Variants in MSS51 observed in about 807,000 individuals in gnomAD.
MSS51 encodes putative protein MSS51 homolog, mitochondrial.
MSS51 carries 32 observed loss-of-function variants against 40.2 expected under a neutral mutation model. The observed-to-expected ratio is 0.80, with a 90% CI of 0.60 to 1.07. MSS51 has a LOEUF of 1.07. Among genes scored for constraint, MSS51 ranks in the 50% least tolerant of loss-of-function variants. The probability of loss-of-function intolerance (pLI) is 0.00; values close to 1 mark genes in which losing one functional copy is unlikely to be tolerated. For missense variants in MSS51, 518 were observed against 568.9 expected, an observed-to-expected ratio of 0.91 and a Z score of 0.91; for synonymous variants, 178 against 214.2, an observed-to-expected ratio of 0.83 and a Z score of 1.48.
Position 73,428,077 on chromosome 10 carries a change from A to G in MSS51, c.208T>C (p.Tyr70His). Residue 70 changes from tyrosine to histidine, a missense_variant, in exon 2 of 7, where the codon TAT (tyrosine) becomes CAT (histidine). By Grantham distance (83) the Tyr-to-His change is moderately conservative. Transcript: ENST00000299432. ...LILQKLNMKS[Y>H]EEYKLVVDGG... Reference sequence around the variant, plus strand: ...CTGGTCACTCACTTATATTCTTCATAGCTTTTCATGTTCAGCTTTTGAAGG... The same window carrying G: ...CTGGTCACTCACTTATATTCTTCATGGCTTTTCATGTTCAGCTTTTGAAGG... 6.2e-7 allele frequency: 1 copy of G among 1,614,074 alleles called. No individual in the cohort carries two copies. The highest frequency in any genetic ancestry group is 8.5e-7 in the Non-Finnish European group (1 of 1,179,982).
intron 1 of MSS51, among the ~76,000 whole-genome samples, chr10:73,430,132 A>G (rs947267930): frequency 2.0e-5 from 3 of 152,250 alleles, no homozygotes; most frequent in African/African-American, 7.2e-5. Flanking sequence ...TAAAGTATAA[A>G]GACCTAAACT....
At chr10:73,428,702 G>C (rs2056007752) in intron 1 of MSS51, among the ~76,000 whole-genome samples, 1 of 151,630 alleles carries the variant, frequency 6.6e-6, no homozygotes, top group South Asian at 2.1e-4. Flanking sequence ...GGTCAGGCTG[G>C]TCTCAAACTC....
intron 1 of MSS51, among the ~76,000 whole-genome samples, chr10:73,430,336 G>T (rs374513820): frequency 6.6e-6 from 1 of 152,076 alleles, no homozygotes; most frequent in South Asian, 2.1e-4. Context: ...CCCCAAGAAT[G>T]GAAGAAAATA....
intron 1 of MSS51, 69 bp downstream of exon 1, chr10:73,433,444 T>C (rs1159229825): frequency 2.0e-5 from 3 of 152,116 alleles, no homozygotes; most frequent in African/African-American, 7.2e-5. Flanking sequence ...TAACACTGCC[T>C]GGGGTGATAA....
In MSS51 at chr10:73,426,314, G is replaced by C. The variant is rs2132721673; in HGVS notation, c.566C>G (p.Ser189Cys). The C allele has an allele frequency of 6.2e-7, 1 of 1,605,508 alleles. No homozygotes were observed. The highest frequency in any genetic ancestry group is 2.2e-5 in the East Asian group (1 of 44,888). The change falls in exon 5 of 7, where the codon TCC (serine) becomes TGC (cysteine). Residue 189 changes from serine to cysteine, a missense_variant. Physicochemically the swap from Ser to Cys is moderately radical, Grantham distance 112. Transcript: ENST00000299432. ...WPPEAVQDWD[S>C]WFSMKGLHLD... Reference sequence around the variant, plus strand: ...GTGTAACCCCTTCATAGAAAACCAGGAGTCCCAGTCCTGTACAGCTTCAGG... The same window carrying C: ...GTGTAACCCCTTCATAGAAAACCAGCAGTCCCAGTCCTGTACAGCTTCAGG...
chr10:73,427,882 G>T, intron 2 of MSS51, 114 bp from the exon 3 acceptor site: 2 of 1,307,312 alleles, frequency 1.5e-6, no homozygotes, highest in South Asian at 1.4e-5. Flanking sequence ...GTCTCCCACT[G>T]CCATCATTTT....
At position 73,428,229 on chromosome 10, in the gene MSS51, G is replaced by C; in HGVS notation, c.56C>G (p.Pro19Arg). ...RHKKPPSSVA[P>R]IIMAPTTIVT... ...AATTGTGGTTGGGGCCATGATGATG[G>C]GAGCCACTGATGAGGGAGGTTTCTT... Residue 19 changes from proline to arginine, a missense_variant, in exon 2 of 7, where the codon CCC becomes CGC. By Grantham distance (103) the Pro-to-Arg change is moderately radical (BLOSUM62 -2). Transcript: ENST00000299432. 6.2e-7 allele frequency: 1 copy of C among 1,614,128 alleles called. No individual in the cohort carries two copies. The highest frequency in any genetic ancestry group is 8.5e-7 in the Non-Finnish European group (1 of 1,180,028).
In MSS51 at chr10:73,424,724, T is replaced by A; in HGVS notation, c.1212A>T (p.Thr404=). 1 of 1,614,178 alleles carries A rather than the reference T, an allele frequency of 6.2e-7. No individual in the cohort carries two copies. Among genetic ancestry groups the A allele is most frequent in the South Asian group, 1.1e-5 (1 of 91,080 alleles). ...GATTAGACCCAAAGGCAGTGATGTG[T>A]GTATCCAGTTCCACCAGAATCTGCA... ...SSLQILVELD[T]HITAFGSNPF... The change falls in exon 7 of 7, where the codon ACA becomes ACT. Residue 404 remains threonine, a synonymous_variant. Transcript: ENST00000299432.
At position 73,426,212 on chromosome 10, in the gene MSS51, G is replaced by A. The variant is rs771303606; in HGVS notation, c.668C>T (p.Pro223Leu). 1.9e-6 allele frequency: 3 copies of A among 1,614,138 alleles called. No homozygotes were observed. The highest frequency in any genetic ancestry group is 1.1e-5 in the South Asian group (1 of 91,090). The change falls in exon 5 of 7, where the codon CCA (proline) becomes CTA (leucine). Residue 223 changes from proline (P) to leucine (L), a missense_variant. Physicochemically the swap from Pro to Leu is moderately conservative, Grantham distance 98. Transcript: ENST00000299432. ...AGATCCCTGCAGGACATCCGGGTCT[G>A]GCCTTGGCCGTCCTACACTGGCCCA... is the stretch of plus-strand genomic sequence containing the variant. ...TLWASVGRPR[P>L]DPDVLQGSLK...
rs886113378 is a variant in MSS51 at position 73,424,544 on chromosome 10, A to G, written c.*9T>C. ...CTCCCCGTTTTCCAGATGTCCAGTT[A>G]TGATCTATTTAAATCCCGCCGTCCA... On this transcript the variant is annotated 3_prime_UTR_variant, in exon 7 of 7. Transcript: ENST00000299432. 1.2e-6 allele frequency: 2 copies of G among 1,603,182 alleles called. No individual in the cohort carries two copies. Among genetic ancestry groups the G allele is most frequent in the African/African-American group, 2.7e-5 (2 of 74,570 alleles).
At chr10:73,433,161 CTA>C (rs1317545128) in intron 1 of MSS51, among the ~76,000 whole-genome samples, 5 of 152,098 alleles carry the variant, frequency 3.3e-5, no homozygotes, top group Non-Finnish European at 2.9e-5. Context: ...AAATATTAAT[CTA>C]TTCCTAGACC....
chr10:73,425,801 T>A lies in MSS51; in HGVS notation c.1069+10A>T, dbSNP rs1564541034. ...GCCACCCTCTATTCCCCTGAACCAA[T>A]GACTCTTACCTGGATGGAATGCCGC... On this transcript the variant is annotated intron_variant, in intron 5 of 6. Transcript: ENST00000299432. 6.2e-7 allele frequency: 1 copy of A among 1,603,360 alleles called. No homozygotes were observed. The highest frequency in any genetic ancestry group is 8.5e-7 in the Non-Finnish European group (1 of 1,173,744).
Position 73,425,973 on chromosome 10 carries a change from C to G in MSS51, c.907G>C (p.Val303Leu). The change falls in exon 5 of 7, where the codon GTA becomes CTA. Residue 303 changes from valine to leucine, a missense_variant. By Grantham distance (32) the Val-to-Leu change is conservative. Coordinates refer to ENST00000299432, the MANE Select transcript of MSS51 (RefSeq NM_001024593.2). ...TGTGAAAAGCCAGTAGCTACATCTA[C>G]ACCCACCATGACCACACGGAGTCCA... ...HLGLRVVMVG[V>L]DVATGFSQST... 1 of 1,614,218 alleles carries G rather than the reference C, an allele frequency of 6.2e-7. No individual in the cohort carries two copies. Among genetic ancestry groups the G allele is most frequent in the South Asian group, 1.1e-5 (1 of 91,070 alleles).
At position 73,427,751 on chromosome 10, in the gene MSS51, C is replaced by A. The variant is rs757600121; in HGVS notation, c.239G>T (p.Gly80Val). 2 of 1,614,000 alleles carry A rather than the reference C, an allele frequency of 1.2e-6. No individual in the cohort carries two copies. Among genetic ancestry groups the A allele is most frequent in the African/African-American group, 1.3e-5 (1 of 75,032 alleles). ...YEEYKLVVDG[G>V]TPVSGFGFRC... ...AAATCCAAAGCCTGATACGGGGGTA[C>A]CCCCATCTACCACCAACCTGCAGAG... The change falls in exon 3 of 7, where the codon GGT (glycine) becomes GTT (valine). Residue 80 changes from glycine to valine, a missense_variant. Gly to Val is a moderately radical substitution (Grantham distance 109, BLOSUM62 -3). Coordinates refer to ENST00000299432, the MANE Select transcript of MSS51 (RefSeq NM_001024593.2).
At chr10:73,425,022 G>T in intron 6 of MSS51, 76 bp downstream of exon 6, 1 of 1,176,824 alleles carries the variant, frequency 8.5e-7, no homozygotes. Context: ...GAGCAAGAGG[G>T]GGGCAAAAAT....
In MSS51 at chr10:73,426,347, G is replaced by A; in HGVS notation, c.533C>T (p.Pro178Leu). The A allele has an allele frequency of 6.2e-7, 1 of 1,602,926 alleles. No individual in the cohort carries two copies. The highest frequency in any genetic ancestry group is 1.1e-5 in the South Asian group (1 of 91,090). The change falls in exon 5 of 7, where the codon CCA becomes CTA. Residue 178 changes from proline to leucine, a missense_variant. Coordinates refer to ENST00000299432, the MANE Select transcript of MSS51 (RefSeq NM_001024593.2). ...GTCCTGTACAGCTTCAGGTGGCCAT[G>A]GCCAAGGTCCTGAGGGTAGAACAAA... ...GDFVLPSGPW[P>L]WPPEAVQDWD...
chr10:73,428,840 T>TATATATATAC lies in MSS51; in HGVS notation c.-17-540_-17-539insGTATATATAT, dbSNP rs946341206. On this transcript the variant is annotated intron_variant, in intron 1 of 6. Transcript: ENST00000299432. ...TTTACACATAGTAAGTCCTATACAT[T>TATATATATAC]ATATATATATATACACACACATATA... Among the ~76,000 whole-genome samples the TATATATATAC allele has an allele frequency of 1.6e-4, 24 of 150,608 alleles. No homozygotes were observed. In the South Asian group the frequency reaches 5.0e-3, roughly 32 times the overall value.
At chr10:73,428,419 A>G in intron 1 of MSS51, 118 bp from the exon 2 acceptor site, 1 of 744,464 alleles carries the variant, frequency 1.3e-6, no homozygotes, top group African/African-American at 1.8e-5. Context: ...CCAGGTTATC[A>G]GTAAGATTTA....
chr10:73,428,967 G>A (rs1431790334), intron 1 of MSS51, among the ~76,000 whole-genome samples: 1 of 151,572 alleles, frequency 6.6e-6, no homozygotes, highest in Non-Finnish European at 1.5e-5. Context: ...CACTTTGGGA[G>A]GCTGAGGCGG....
Sources: gnomAD v4.1 joint callset for allele counts (sites outside exome capture counted in the v4.1 genomes callset) on GRCh38, gnomAD v4.1.1 for gene constraint, MANE v1.5 for transcripts, NCBI Gene and HGNC (gene_info 2026-07-23, HGNC 2026-07-21) for gene names.